Variants in SEPTIN9 observed in about 807,000 individuals in gnomAD.
SEPTIN9 encodes septin-9.
SEPTIN9 carries 13 observed loss-of-function variants against 56.6 expected under a neutral mutation model. The observed-to-expected ratio is 0.23, with a 90% confidence interval of 0.15 to 0.37. The LOEUF (loss-of-function observed/expected upper bound fraction) is 0.37, where lower values mean the gene tolerates loss of function less well. Ranked by LOEUF, SEPTIN9 falls within the 10% of genes least tolerant of loss-of-function variation. SEPTIN9 has a pLI of 1.00. For missense variants in SEPTIN9, 650 were observed against 823.1 expected (o/e 0.79, Z 2.57); for synonymous variants, 332 against 334.1 (o/e 0.99, Z 0.07).
At chr17:77,361,080 CGT>C (rs2034402878) in intron 2 of SEPTIN9, among the ~76,000 whole-genome samples, 1 of 151,968 alleles carries the variant, frequency 6.6e-6, no homozygotes, top group East Asian at 1.9e-4. Context: ...CCCACCACCA[CGT>C]CCAGCTAAAT....
At chr17:77,378,017 G>T (rs1196124343) in intron 2 of SEPTIN9, among the ~76,000 whole-genome samples, 1 of 152,128 alleles carries the variant, frequency 6.6e-6, no homozygotes, top group Admixed American at 6.5e-5. Context: ...CCACTGTCCC[G>T]ACTACGAGTT....
intron 3 of SEPTIN9, among the ~76,000 whole-genome samples, chr17:77,404,000 C>G (rs1188453694): frequency 6.6e-6 from 1 of 152,144 alleles, no homozygotes; most frequent in Admixed American, 6.5e-5. Flanking sequence ...TATTTGACCA[C>G]TCTAGGAACC....
chr17:77,465,801 T>C (rs2038691218), intron 3 of SEPTIN9, among the ~76,000 whole-genome samples: 1 of 151,952 alleles, frequency 6.6e-6, no homozygotes, highest in South Asian at 2.1e-4. Context: ...TTGCAGCTAG[T>C]TGCAGCGTGA....
In SEPTIN9 at chr17:77,369,307, C is replaced by T. The variant is rs1299552929; in HGVS notation, c.77-32752C>T. On this transcript the variant is annotated intron_variant, in intron 2 of 11. Coordinates refer to ENST00000427177, the MANE Select transcript of SEPTIN9 (RefSeq NM_001113491.2). The surrounding 1 kb of genome is among the most constrained non-coding windows in gnomAD (Gnocchi z 4.9). ...ACAGGAATAGGCAAGCGCTACAAAT[C>T]GGGAAACTGAGTGTTGTTGCTTTTG... 2.0e-5 allele frequency among the ~76,000 whole-genome samples: 3 copies of T among 152,146 alleles called. No individual in the cohort carries two copies. The East Asian group carries it at 5.8e-4, about 29-fold the overall frequency.
At chr17:77,454,019 G>A (rs762418957) in intron 3 of SEPTIN9, 1 of 977,066 alleles carries the variant, frequency 1.0e-6, no homozygotes, top group African/African-American at 1.8e-5. Context: ...CATACACCCC[G>A]GATGTTTAGG....
At chr17:77,463,703 C>T (rs778875905) in intron 3 of SEPTIN9, among the ~76,000 whole-genome samples, 27 of 151,888 alleles carry the variant, frequency 1.8e-4, no homozygotes, top group Non-Finnish European at 2.8e-4. Flanking sequence ...ATTAGCCAGG[C>T]GTGGTGGTAG....
chr17:77,357,859 G>T (rs1173071423), intron 2 of SEPTIN9, among the ~76,000 whole-genome samples: 1 of 152,138 alleles, frequency 6.6e-6, no homozygotes, highest in South Asian at 2.1e-4. Context: ...GGTGCTGCAG[G>T]AGGGGTCAGA....
intron 3 of SEPTIN9, among the ~76,000 whole-genome samples, chr17:77,431,944 A>C (rs767185066): frequency 1.3e-5 from 2 of 151,876 alleles, no homozygotes; most frequent in African/African-American, 2.4e-5. Flanking sequence ...CCAAATAGCC[A>C]TGGGAGGGTG....
intron 7 of SEPTIN9, among the ~76,000 whole-genome samples, chr17:77,490,335 G>A (rs1421718685): frequency 1.3e-5 from 2 of 152,076 alleles, no homozygotes; most frequent in African/African-American, 4.8e-5. Context: ...GGAGCAGCCC[G>A]CCTGGTGCAG....
intron 2 of SEPTIN9, among the ~76,000 whole-genome samples, chr17:77,364,081 A>G (rs2034499052): frequency 6.6e-6 from 1 of 152,198 alleles, no homozygotes; most frequent in African/African-American, 2.4e-5. Context: ...CAAATGGTTC[A>G]TTTAGGTTGA....
Position 77,429,065 on chromosome 17 carries a change from T to C in SEPTIN9, c.721+26362T>C, listed in dbSNP as rs2037024343. On this transcript the variant is annotated intron_variant, in intron 3 of 11. Coordinates refer to ENST00000427177, the MANE Select transcript of SEPTIN9 (RefSeq NM_001113491.2). The surrounding 1 kb of genome is among the most constrained non-coding windows in gnomAD (Gnocchi z 5.2). The stretch of plus-strand genomic sequence containing the variant: ...TCCGCCCCCTGCTCCTGGTTGCAGA[T>C]GTACCTGTTCTTGGCTATTTGTGCC... The C allele has an allele frequency of 2.1e-6, 1 of 471,638 alleles. No individual in the cohort carries two copies. The highest frequency in any genetic ancestry group is 4.4e-6 in the Non-Finnish European group (1 of 227,150). 29.2% of individuals were successfully genotyped at this position (471,638 alleles called of 1,614,324 possible).
rs1405913164 is a variant in SEPTIN9 at position 77,313,345 on chromosome 17, C to T, written c.76+6148C>T. ...CTGCTTCTCCCCGTTGTCTTGGTTT[C>T]CTTCCACGCTGACCTGGAAGGACTC... On this transcript the variant is annotated intron_variant, in intron 2 of 11. Transcript: ENST00000427177. This position sits in a 1 kb window ranked among gnomAD's most constrained non-coding sequence, Gnocchi z 4.5. Among the ~76,000 whole-genome samples, 5 of 152,362 alleles carry T rather than the reference C, an allele frequency of 3.3e-5. No homozygotes were observed. The South Asian group carries it at 8.3e-4, about 25-fold the overall frequency.
intron 3 of SEPTIN9, among the ~76,000 whole-genome samples, chr17:77,463,920 C>T (rs942254779): frequency 6.6e-6 from 1 of 152,102 alleles, no homozygotes; most frequent in East Asian, 1.9e-4. Context: ...CTAGAGAACA[C>T]AGCATTCCTA....
chr17:77,312,929 TGGCTGCCATATTGACTACG>T (rs2032560306), intron 2 of SEPTIN9, among the ~76,000 whole-genome samples: 1 of 152,210 alleles, frequency 6.6e-6, no homozygotes, highest in Non-Finnish European at 1.5e-5. Context: ...CTGCCACATG[TGGCTGCCATATTGACTACG>T]GCAGATACAG....
chr17:77,362,496 C>T (rs1308812365), intron 2 of SEPTIN9, among the ~76,000 whole-genome samples: 1 of 152,206 alleles, frequency 6.6e-6, no homozygotes, highest in Non-Finnish European at 1.5e-5. Flanking sequence ...TGTCTAGGTT[C>T]CTTGCAGCAA....
At chr17:77,468,763 C>T (rs955088547) in intron 3 of SEPTIN9, among the ~76,000 whole-genome samples, 1 of 152,170 alleles carries the variant, frequency 6.6e-6, no homozygotes, top group Non-Finnish European at 1.5e-5. Context: ...AAATTTTACA[C>T]ACGCCCCCTG....
At chr17:77,312,830 C>T (rs376899747) in intron 2 of SEPTIN9, among the ~76,000 whole-genome samples, 9 of 152,272 alleles carry the variant, frequency 5.9e-5, no homozygotes, top group Middle Eastern at 3.4e-3. Flanking sequence ...ACGGGGCACA[C>T]GCTAGGCATT....
chr17:77,325,193 G>T (rs973061136), intron 2 of SEPTIN9, among the ~76,000 whole-genome samples: 2 of 152,124 alleles, frequency 1.3e-5, no homozygotes, highest in Non-Finnish European at 2.9e-5. Flanking sequence ...TGCTTTTGGC[G>T]CCATATCCAA....
At chr17:77,304,576 T>C (rs1451664895) in intron 1 of SEPTIN9, among the ~76,000 whole-genome samples, 2 of 152,082 alleles carry the variant, frequency 1.3e-5, no homozygotes, top group East Asian at 3.9e-4. Flanking sequence ...GGGAGGAGGA[T>C]AGGGCAGCCT....
Sources: allele counts gnomAD v4.1 joint callset (sites outside exome capture counted in the v4.1 genomes callset), GRCh38; gene constraint gnomAD v4.1.1; non-coding constraint Gnocchi (gnomAD v3.1); transcripts MANE v1.5; gene names NCBI Gene and HGNC (gene_info 2026-07-23, HGNC 2026-07-21).